SEMA5B: variants seen among roughly 807,000 people sequenced by gnomAD.
SEMA5B encodes semaphorin-5B.
Under a neutral mutation model 135.0 loss-of-function variants are expected in SEMA5B, and 66 were observed. The ratio of observed to expected loss-of-function variants is 0.49; its 90% CI spans 0.40 to 0.60. SEMA5B has a LOEUF of 0.60. Ranked by LOEUF, SEMA5B falls within the 20% of genes least tolerant of loss-of-function variation. The pLI is 0.00. For synonymous variants in SEMA5B, 690 were observed against 639.5 expected (o/e 1.08, Z -1.19); for missense variants, 1,501 against 1,566.3 (o/e 0.96, Z 0.70).
chr3:122,910,727 G>A (rs1157332809), intron 22 of SEMA5B, 113 bp downstream of exon 22: 29 of 825,798 alleles, frequency 3.5e-5, no homozygotes, highest in South Asian at 6.4e-5. Context: ...GGAGAATGGC[G>A]TGAACCCGGG....
At position 122,912,306 on chromosome 3, in the gene SEMA5B, G is replaced by A; in HGVS notation, c.2762C>T (p.Pro921Leu). The A allele has an allele frequency of 1.2e-6, 2 of 1,610,764 alleles. No homozygotes were observed. The highest frequency in any genetic ancestry group is 2.2e-5 in the South Asian group (2 of 90,302). The change falls in exon 19 of 23, where the codon CCA becomes CTA. Residue 921 changes from proline (P) to leucine (L), a missense_variant. Transcript: ENST00000357599. ...ACCCCCACCACAGGAAGCTGAGCATGGAGACCATGAGGTCCAGCAGGACCA... is the reference window on the plus strand; with the variant it reads ...ACCCCCACCACAGGAAGCTGAGCATAGAGACCATGAGGTCCAGCAGGACCA... ...GAWSCWTSWS[P>L]CSASCGGGHY... is the part of the protein sequence containing the mutation.
intron 5 of SEMA5B, among the ~76,000 whole-genome samples, chr3:122,934,893 C>G (rs983802339): frequency 9.3e-5 from 14 of 149,914 alleles, no homozygotes; most frequent in Admixed American, 6.6e-5. Context: ...AAAAAGAATC[C>G]CTATTTTTTA....
chr3:122,957,053 G>A (rs567256727), intron 2 of SEMA5B, among the ~76,000 whole-genome samples: 24 of 152,190 alleles, frequency 1.6e-4, no homozygotes, highest in Admixed American at 5.2e-4. Context: ...GTGGAGAGAG[G>A]CAGAGAGGGA....
chr3:123,022,648 C>G (rs1263351025), intron 1 of SEMA5B, among the ~76,000 whole-genome samples: 1 of 152,238 alleles, frequency 6.6e-6, no homozygotes, highest in African/African-American at 2.4e-5. Context: ...TGCCCAGCAG[C>G]AAATTGGACA....
At position 122,913,971 on chromosome 3, in the gene SEMA5B, C is replaced by G; in HGVS notation, c.2019G>C (p.Trp673Cys). ...RNGAWTPWSS[W>C]ALCSTSCGIG... ...TGCCACAGGACGTGCTGCACAGCGCCCACGATGACCACGGGGTCCACGCCC... is the reference window on the plus strand; with the variant it reads ...TGCCACAGGACGTGCTGCACAGCGCGCACGATGACCACGGGGTCCACGCCC... The change falls in exon 15 of 23, where the codon TGG becomes TGC. Residue 673 changes from tryptophan (W) to cysteine (C), a missense_variant. Trp to Cys is a radical substitution (Grantham distance 215). Transcript: ENST00000357599. 6.2e-7 allele frequency: 1 copy of G among 1,607,886 alleles called. No homozygotes were observed. The highest frequency in any genetic ancestry group is 8.5e-7 in the Non-Finnish European group (1 of 1,177,628).
chr3:122,926,626 A>G lies in SEMA5B; in HGVS notation c.902T>C (p.Leu301Pro), dbSNP rs762560071. The part of the protein sequence containing the change: ...YDIGLFAYFF[L>P]RENAVEHDCG... ...GTCGTGCTCCACTGCGTTCTCCCGC[A>G]GGAAGAAGTATGCAAACAGCCCAAT... The change falls in exon 9 of 23, where the codon CTG becomes CCG. Residue 301 changes from leucine (L) to proline (P), a missense_variant. Leu to Pro is a moderately conservative substitution (Grantham distance 98). This residue lies in a region of SEMA5B where 574 missense variants were observed against 684.7 expected (regional missense o/e 0.84). Coordinates refer to ENST00000357599, the MANE Select transcript of SEMA5B (RefSeq NM_001031702.4). The G allele has an allele frequency of 1.9e-6, 3 of 1,614,246 alleles. No homozygotes were observed. The highest frequency in any genetic ancestry group is 2.5e-6 in the Non-Finnish European group (3 of 1,180,038).
Position 122,913,405 on chromosome 3 carries a change from G to C in SEMA5B, c.2300C>G (p.Pro767Arg), listed in dbSNP as rs1444301547. ...GCGVEFKTCN[P>R]EGCPEVRRNT... ...GCGCCGCACTTCGGGGCAGCCCTCG[G>C]GGTTGCACGTCTTGAACTCCTGCGG... Residue 767 changes from proline to arginine, a missense_variant, in exon 17 of 23, where the codon CCC (proline) becomes CGC (arginine). This residue lies in a region of SEMA5B where 927 missense variants were observed against 881.6 expected (regional missense o/e 1.05). Transcript: ENST00000357599. 1 of 1,574,606 alleles carries C rather than the reference G, an allele frequency of 6.4e-7. No individual in the cohort carries two copies. Among genetic ancestry groups the C allele is most frequent in the Non-Finnish European group, 8.6e-7 (1 of 1,164,836 alleles).
At chr3:122,915,370 G>T in intron 14 of SEMA5B, 70 bp downstream of exon 14, 4 of 1,478,244 alleles carry the variant, frequency 2.7e-6, no homozygotes, top group South Asian at 1.3e-5. Flanking sequence ...CCAAGTGAGG[G>T]GTCCCCGTTT....
chr3:123,010,495 A>C (rs577945138), intron 1 of SEMA5B, among the ~76,000 whole-genome samples: 1 of 152,294 alleles, frequency 6.6e-6, no homozygotes, highest in South Asian at 2.1e-4. Context: ...ATGTCCTTCA[A>C]CAACAGCGAA....
At chr3:122,999,798 GC>G (rs953801052) in intron 1 of SEMA5B, among the ~76,000 whole-genome samples, 39 of 151,376 alleles carry the variant, frequency 2.6e-4, no homozygotes, top group African/African-American at 9.5e-4. Flanking sequence ...CTGGAGTGGG[GC>G]CTAAGAATCT....
chr3:123,008,061 T>G (rs1054522539), intron 1 of SEMA5B, among the ~76,000 whole-genome samples: 1 of 152,236 alleles, frequency 6.6e-6, no homozygotes, highest in African/African-American at 2.4e-5. Context: ...CAAAAGAACT[T>G]GAAGAACGGG....
intron 5 of SEMA5B, among the ~76,000 whole-genome samples, chr3:122,938,648 C>T (rs888899988): frequency 1.5e-4 from 23 of 152,354 alleles, no homozygotes; most frequent in African/African-American, 5.3e-4. Flanking sequence ...GCCCCCTAGC[C>T]ATGAGTTCTG....
chr3:122,965,278 A>C (rs1032872533), intron 1 of SEMA5B, among the ~76,000 whole-genome samples: 1 of 151,978 alleles, frequency 6.6e-6, no homozygotes, highest in Non-Finnish European at 1.5e-5. Context: ...TCGATAATAA[A>C]CTCCCACATT....
chr3:122,962,930 C>A (rs1259467610), intron 1 of SEMA5B, among the ~76,000 whole-genome samples: 3 of 152,116 alleles, frequency 2.0e-5, no homozygotes, highest in African/African-American at 7.2e-5. Flanking sequence ...AGGGAAAAGT[C>A]ACAATGGGTG....
In SEMA5B at chr3:122,912,156, G is replaced by A. The variant is rs373515511; in HGVS notation, c.2896+16C>T. On this transcript the variant is annotated intron_variant, in intron 19 of 22. Transcript: ENST00000357599. ...CTCCATGTCGCTTCCCAGCCCTGGC[G>A]GGATGTGCCTCATACCTGGGCAGGC... 5.7e-6 allele frequency: 9 copies of A among 1,580,658 alleles called. No homozygotes were observed. The highest frequency in any genetic ancestry group is 1.1e-5 in the South Asian group (1 of 87,236).
At chr3:123,018,745 A>C (rs1274670531) in intron 1 of SEMA5B, among the ~76,000 whole-genome samples, 1 of 152,208 alleles carries the variant, frequency 6.6e-6, no homozygotes, top group East Asian at 1.9e-4. Context: ...TCTGATTTCC[A>C]GTAGAAGTCA....
chr3:123,015,342 C>T (rs1011548249), intron 1 of SEMA5B, among the ~76,000 whole-genome samples: 3 of 152,172 alleles, frequency 2.0e-5, no homozygotes, highest in East Asian at 1.9e-4. Context: ...TAAGCTCAGT[C>T]GAAATCAGCA....
intron 1 of SEMA5B, chr3:123,027,101 T>TGTCCCTCC (rs2107860357): frequency 6.5e-6 from 1 of 153,578 alleles, no homozygotes; most frequent in East Asian, 1.9e-4. Flanking sequence ...TCCGCACCTC[T>TGTCCCTCC]GTCCCTCCGT....
chr3:122,938,121 G>T (rs960262843), intron 5 of SEMA5B, among the ~76,000 whole-genome samples: 2 of 152,236 alleles, frequency 1.3e-5, no homozygotes, highest in Admixed American at 6.5e-5. Context: ...CAAGGGAATC[G>T]TATGTGATCC....
Sources: allele counts gnomAD v4.1 joint callset (sites outside exome capture counted in the v4.1 genomes callset), GRCh38; gene constraint gnomAD v4.1.1; regional missense constraint gnomAD v4.1.1; transcripts MANE v1.5; gene names NCBI Gene and HGNC (gene_info 2026-07-23, HGNC 2026-07-21).